SLIT1: variants seen among roughly 807,000 people sequenced by gnomAD.
SLIT1 encodes slit guidance ligand 1, also known as slit homolog 1 protein.
A neutral mutation model predicts 186.1 loss-of-function variants in SLIT1; 66 were observed. The observed-to-expected ratio is 0.35, with a 90% CI of 0.29 to 0.44. SLIT1 has a LOEUF of 0.44. Among genes scored for constraint, SLIT1 ranks in the 20% least tolerant of loss-of-function variants. SLIT1 has a pLI of 1.00. For synonymous variants in SLIT1, 761 were observed against 833.8 expected, an observed-to-expected ratio of 0.91 and a Z score of 1.50; for missense variants, 1,638 against 2,037.4, an observed-to-expected ratio of 0.80 and a Z score of 3.77.
At chr10:97,076,443 G>A (rs1178840375) in intron 4 of SLIT1, among the ~76,000 whole-genome samples, 3 of 152,162 alleles carry the variant, frequency 2.0e-5, no homozygotes, top group Admixed American at 2.0e-4. Context: ...TCCCGCCTTT[G>A]TCTCTGCCGG....
Position 97,057,259 on chromosome 10 carries a change from T to C in SLIT1, c.1108A>G (p.Thr370Ala). The C allele has an allele frequency of 6.2e-7, 1 of 1,613,944 alleles. No individual in the cohort carries two copies. Among genetic ancestry groups the C allele is most frequent in the South Asian group, 1.1e-5 (1 of 91,082 alleles). ...CCAAACACACCACGGGGGAGGTCTG[T>C]GATCTTGTTTCCATAGAGGACCCTG... ...NSLVLYGNKI[T>A]DLPRGVFGGL... Residue 370 changes from threonine to alanine, a missense_variant, in exon 12 of 37, where the codon ACA becomes GCA. Physicochemically the swap from Thr to Ala is moderately conservative, Grantham distance 58. Around this residue, in one of 3 missense-constraint regions of SLIT1, gnomAD observed 1,245 missense variants for 1,535.3 expected, o/e 0.81. Coordinates refer to ENST00000266058, the MANE Select transcript of SLIT1 (RefSeq NM_003061.3).
chr10:97,180,883 T>C (rs1850327884), intron 1 of SLIT1, among the ~76,000 whole-genome samples: 1 of 152,178 alleles, frequency 6.6e-6, no homozygotes, highest in Non-Finnish European at 1.5e-5. Context: ...ATAATAACAA[T>C]AATATCCTAA....
chr10:97,048,852 T>TAGGTGGACAGGTGGGA, intron 14 of SLIT1, 103 bp downstream of exon 14: 1 of 1,044,112 alleles, frequency 9.6e-7, no homozygotes, highest in East Asian at 2.4e-5. Context: ...AGCAGGCGGG[T>TAGGTGGACAGGTGGGA]AGGTGGGCAG....
At chr10:97,183,703 G>A (rs887299352) in intron 1 of SLIT1, among the ~76,000 whole-genome samples, 5 of 152,160 alleles carry the variant, frequency 3.3e-5, no homozygotes, top group Non-Finnish European at 7.3e-5. Context: ...AAAGAGGGAG[G>A]AGATGACTTT....
At chr10:97,075,911 A>C (rs994569656) in intron 4 of SLIT1, among the ~76,000 whole-genome samples, 4 of 152,188 alleles carry the variant, frequency 2.6e-5, no homozygotes, top group Admixed American at 2.6e-4. Context: ...ATTTCAAAGC[A>C]AGGGTTGGAG....
rs545489542 is a variant in SLIT1, at chr10:97,009,108, A to T, written c.3341+1885T>A. On this transcript the variant is annotated intron_variant, in intron 31 of 36. Transcript: ENST00000266058. ...TAGCCAGGATGGTCTCGATCTCCTGACCTTGTGATCCGCCTGCCTCGGCCT... is the reference window on the plus strand; with the variant it reads ...TAGCCAGGATGGTCTCGATCTCCTGTCCTTGTGATCCGCCTGCCTCGGCCT... Among the ~76,000 whole-genome samples the T allele has an allele frequency of 1.8e-4, 28 of 152,176 alleles. No individual in the cohort carries two copies. In the South Asian group the frequency reaches 5.8e-3, roughly 32 times the overall value.
At chr10:97,069,344 G>T (rs1213882419) in intron 4 of SLIT1, among the ~76,000 whole-genome samples, 1 of 152,228 alleles carries the variant, frequency 6.6e-6, no homozygotes, top group Non-Finnish European at 1.5e-5. Flanking sequence ...GCTAACCACA[G>T]GTGCATGGTC....
At chr10:97,034,722 G>T (rs1369083288) in intron 22 of SLIT1, among the ~76,000 whole-genome samples, 180 bp from the exon 23 acceptor site, 1 of 152,134 alleles carries the variant, frequency 6.6e-6, no homozygotes, top group African/African-American at 2.4e-5. Flanking sequence ...ACAGTGCTGC[G>T]CTGCTCCCTC....
intron 4 of SLIT1, among the ~76,000 whole-genome samples, chr10:97,089,850 G>A (rs1362215579): frequency 6.6e-6 from 1 of 152,184 alleles, no homozygotes; most frequent in Non-Finnish European, 1.5e-5. Context: ...GAGCCAGATT[G>A]TCTGGGCTGA....
chr10:97,060,646 G>C lies in SLIT1; in HGVS notation c.935C>G (p.Thr312Arg), dbSNP rs756129650. The C allele has an allele frequency of 6.2e-7, 1 of 1,612,932 alleles. No homozygotes were observed. The highest frequency in any genetic ancestry group is 8.5e-7 in the Non-Finnish European group (1 of 1,180,036). Residue 312 changes from threonine (T) to arginine (R), a missense_variant, in exon 9 of 37, where the codon ACG (threonine) becomes AGG (arginine). Coordinates refer to ENST00000266058, the MANE Select transcript of SLIT1 (RefSeq NM_003061.3). ...AIPANLPETM[T>R]EIRLELNGIK... ...TGCCCTGCCCCGTACTCACATCTCC[G>C]TCATGGTCTCGGGCAGGTTGGCCGG...
chr10:97,164,950 G>A, intron 1 of SLIT1, 60 bp from the exon 2 acceptor site: 1 of 1,358,168 alleles, frequency 7.4e-7, no homozygotes, highest in Admixed American at 1.7e-5. Flanking sequence ...CCAGGCCAGG[G>A]GCCCTGCTCC....
At chr10:97,166,557 A>AGGAAAGAGAGAGAGAGAGAG (rs1283710320) in intron 1 of SLIT1, among the ~76,000 whole-genome samples, 3 of 55,190 alleles carry the variant, frequency 5.4e-5, no homozygotes, top group Admixed American at 2.4e-4. Context: ...GAAGGAAGGA[A>AGGAAAGAGAGAGAGAGAGAG]AGAGAGAGAG....
chr10:97,001,606 C>A (rs1030635127), intron 36 of SLIT1, among the ~76,000 whole-genome samples: 1 of 152,086 alleles, frequency 6.6e-6, no homozygotes, highest in Admixed American at 6.5e-5. Context: ...GGGGGGGTCC[C>A]CATTGCTAGA....
At chr10:97,030,554 G>A (rs930569543) in intron 25 of SLIT1, among the ~76,000 whole-genome samples, 3 of 152,206 alleles carry the variant, frequency 2.0e-5, no homozygotes, top group Admixed American at 6.5e-5. Flanking sequence ...TACCGCTTGC[G>A]AGGAACTGTT....
rs17112342 is a variant in SLIT1, at chr10:97,046,755, G to A, written c.1752C>T (p.Ala584=). Residue 584 remains alanine, a synonymous_variant, in exon 18 of 37, where the codon GCC becomes GCT. Coordinates refer to ENST00000266058, the MANE Select transcript of SLIT1 (RefSeq NM_003061.3). ...CGCTCACAGAGGCTGCGCCCTCGAA[G>A]GCCCCATCTTCAATTTCTGACACCT... ...NNKVSEIEDG[A]FEGAASVSEL... 2 of 1,612,474 alleles carry A rather than the reference G, an allele frequency of 1.2e-6. No homozygotes were observed. Among genetic ancestry groups the A allele is most frequent in the East Asian group, 4.5e-5 (2 of 44,896 alleles).
At chr10:97,129,383 CA>C (rs57535501) in intron 4 of SLIT1, among the ~76,000 whole-genome samples, 15,281 of 137,366 alleles carry the variant, frequency 0.11, 782 homozygotes, top group Middle Eastern at 0.18. Flanking sequence ...GACTGTGTCT[CA>C]AAAAAAAAAA....
rs190386233 is a variant in SLIT1 at position 97,036,645 on chromosome 10, A to G, written c.2366+1053T>C. 2.0e-5 allele frequency among the ~76,000 whole-genome samples: 3 copies of G among 152,320 alleles called. No homozygotes were observed. The East Asian group carries it at 5.8e-4, about 29-fold the overall frequency. ...CGCCATATCTAATTACAAACCCATTACAAACAGTTCTGGGACTGATGTGGG... is the reference window on the plus strand; with the variant it reads ...CGCCATATCTAATTACAAACCCATTGCAAACAGTTCTGGGACTGATGTGGG... On this transcript the variant is annotated intron_variant, in intron 22 of 36. Coordinates refer to ENST00000266058, the MANE Select transcript of SLIT1 (RefSeq NM_003061.3).
chr10:97,161,844 C>G (rs753272029), intron 3 of SLIT1, among the ~76,000 whole-genome samples: 5 of 152,212 alleles, frequency 3.3e-5, no homozygotes, highest in Non-Finnish European at 7.3e-5. Flanking sequence ...GCAAAATGAT[C>G]TGGGTTCTAA....
At chr10:97,032,005 A>G (rs78335010) in intron 23 of SLIT1, among the ~76,000 whole-genome samples, 7,628 of 152,346 alleles carry the variant, frequency 0.05, 231 homozygotes, top group Middle Eastern at 0.095. Context: ...TCCTCAACAA[A>G]GGAGAGTTGC....
Sources: gnomAD v4.1 joint callset for allele counts (sites outside exome capture counted in the v4.1 genomes callset) on GRCh38, gnomAD v4.1.1 for gene constraint, gnomAD v4.1.1 regional missense constraint, MANE v1.5 for transcripts, NCBI Gene and HGNC (gene_info 2026-07-23, HGNC 2026-07-21) for gene names.